The following NTRK3 variants were observed in gnomAD, a reference collection of about 807,000 sequenced individuals.
NTRK3 encodes neurotrophic receptor tyrosine kinase 3, also known as NT-3 growth factor receptor.
NTRK3 carries 24 observed loss-of-function variants against 91.7 expected under a neutral mutation model. The observed-to-expected ratio is 0.26, with a 90% confidence interval of 0.19 to 0.37. The LOEUF is 0.37. Among genes scored for constraint, NTRK3 ranks in the 10% least tolerant of loss-of-function variants. The pLI, the probability that NTRK3 is intolerant of heterozygous loss-of-function variation, is 1.00. For synonymous variants in NTRK3, 483 were observed against 404.0 expected, an observed-to-expected ratio of 1.20 and a Z score of -2.34; for missense variants, 880 against 1,068.9, an observed-to-expected ratio of 0.82 and a Z score of 2.46.
At chr15:88,199,958 G>A (rs1387431138) in intron 3 of NTRK3, among the ~76,000 whole-genome samples, 1 of 152,216 alleles carries the variant, frequency 6.6e-6, no homozygotes, top group Non-Finnish European at 1.5e-5. Context: ...ACCTACAGGT[G>A]GGAGTCAGGG....
intron 13 of NTRK3, among the ~76,000 whole-genome samples, chr15:88,078,867 G>A (rs1455514476): frequency 6.6e-6 from 1 of 152,256 alleles, no homozygotes; most frequent in Non-Finnish European, 1.5e-5. Flanking sequence ...TGTGGCCAGA[G>A]TGGACGAGCA....
chr15:87,978,977 C>T, intron 14 of NTRK3: 1 of 370,206 alleles, frequency 2.7e-6, no homozygotes, highest in Non-Finnish European at 4.9e-6. Context: ...GGCTGGACTT[C>T]ATCAGGCTTT....
At chr15:88,173,682 C>G (rs1156484561) in intron 5 of NTRK3, among the ~76,000 whole-genome samples, 1 of 152,244 alleles carries the variant, frequency 6.6e-6, no homozygotes, top group Non-Finnish European at 1.5e-5. Context: ...TCCCCTCCAT[C>G]TGCCCTTCAT....
Position 87,894,289 on chromosome 15 carries a change from T to C in NTRK3, c.2134-13861A>G, listed in dbSNP as rs143787533. 7.2e-5 allele frequency among the ~76,000 whole-genome samples: 11 copies of C among 152,324 alleles called. No homozygotes were observed. In the East Asian group the frequency reaches 1.7e-3, roughly 24 times the overall value. ...CCACTAGCAGTCCCAGCAGCCACCA[T>C]AACAGTCTTTAAAATCATCGGCACT... On this transcript the variant is annotated intron_variant, in intron 17 of 18. Transcript: ENST00000394480.
chr15:88,249,776 T>G (rs1254715638), intron 3 of NTRK3, among the ~76,000 whole-genome samples: 1 of 152,134 alleles, frequency 6.6e-6, no homozygotes, highest in Non-Finnish European at 1.5e-5. Context: ...CCAGGAGGAT[T>G]TGTGTTCCTC....
At chr15:88,062,666 T>C (rs940340447) in intron 13 of NTRK3, among the ~76,000 whole-genome samples, 3 of 152,220 alleles carry the variant, frequency 2.0e-5, no homozygotes, top group African/African-American at 7.2e-5. Context: ...CCAAACCTCT[T>C]TTTCACAAAA....
intron 14 of NTRK3, among the ~76,000 whole-genome samples, chr15:88,021,796 A>G (rs866032371): frequency 6.6e-6 from 1 of 152,190 alleles, no homozygotes; most frequent in African/African-American, 2.4e-5. Context: ...GACATCTGTC[A>G]TAAGGTATGA....
At chr15:87,895,604 A>C (rs571619677) in intron 17 of NTRK3, among the ~76,000 whole-genome samples, 282 of 152,156 alleles carry the variant, frequency 1.9e-3, no homozygotes, top group African/African-American at 6.1e-3. Context: ...TATATGGAGA[A>C]TCTCCTTCCC....
chr15:88,124,136 G>T (rs1482787588), intron 13 of NTRK3, among the ~76,000 whole-genome samples: 1 of 152,216 alleles, frequency 6.6e-6, no homozygotes, highest in African/African-American at 2.4e-5. Context: ...AGATGAAAGA[G>T]ATTCAGGCTT....
At chr15:88,129,576 C>G (rs1329503196) in intron 10 of NTRK3, among the ~76,000 whole-genome samples, 2 of 152,164 alleles carry the variant, frequency 1.3e-5, no homozygotes, top group African/African-American at 4.8e-5. Flanking sequence ...CTACCAACAT[C>G]CAATAAAAGG....
At chr15:87,893,689 A>G (rs2065959174) in intron 17 of NTRK3, among the ~76,000 whole-genome samples, 1 of 152,198 alleles carries the variant, frequency 6.6e-6, no homozygotes, top group African/African-American at 2.4e-5. Flanking sequence ...TGGATTCCAA[A>G]AATCACAGAG....
rs752318483 is a variant in NTRK3, at chr15:87,880,134, G to T, written c.2292+136C>A. On this transcript the variant is annotated intron_variant, in intron 18 of 18. Coordinates refer to ENST00000394480, the Ensembl canonical transcript of NTRK3. ...TTTTTTTCCTACTAAGAAGCTCTCT[G>T]CTCCCACTAATGCCTGCATTCACTC... is the stretch of plus-strand genomic sequence containing the variant. 9.3e-6 allele frequency: 10 copies of T among 1,075,828 alleles called. No individual in the cohort carries two copies. In the South Asian group the frequency reaches 1.0e-4, roughly 11 times the overall value. 66.6% of individuals were successfully genotyped at this position (1,075,828 alleles called of 1,614,324 possible).
chr15:88,083,464 C>T (rs986764408), intron 13 of NTRK3, among the ~76,000 whole-genome samples: 1 of 152,142 alleles, frequency 6.6e-6, no homozygotes, highest in Non-Finnish European at 1.5e-5. Context: ...TCAAGTGATC[C>T]ACCTGCCTCA....
chr15:88,176,093 T>C (rs1261295253), intron 5 of NTRK3, among the ~76,000 whole-genome samples: 1 of 151,828 alleles, frequency 6.6e-6, no homozygotes, highest in African/African-American at 2.4e-5. Context: ...TACGTTCCAA[T>C]AATATAAGTG....
intron 13 of NTRK3, among the ~76,000 whole-genome samples, chr15:88,043,894 G>A (rs1385212490): frequency 6.6e-6 from 1 of 152,124 alleles, no homozygotes; most frequent in African/African-American, 2.4e-5. Flanking sequence ...AGTTGTATGG[G>A]TCTCATACAC....
At chr15:87,992,428 T>G (rs2075360281) in intron 14 of NTRK3, among the ~76,000 whole-genome samples, 1 of 152,232 alleles carries the variant, frequency 6.6e-6, no homozygotes, top group Non-Finnish European at 1.5e-5. Flanking sequence ...CCACTCTCTG[T>G]ATAAGCCACT....
intron 5 of NTRK3, among the ~76,000 whole-genome samples, chr15:88,160,629 T>G (rs1403846316): frequency 6.6e-6 from 1 of 152,198 alleles, no homozygotes; most frequent in Non-Finnish European, 1.5e-5. Context: ...ACCATTGGCC[T>G]TTAGGGGCCT....
intron 13 of NTRK3, among the ~76,000 whole-genome samples, chr15:88,042,032 G>A (rs2079676073): frequency 1.3e-5 from 2 of 152,038 alleles, no homozygotes; most frequent in Non-Finnish European, 2.9e-5. Context: ...TAATGTGTCA[G>A]AATGAAGCAA....
intron 17 of NTRK3, among the ~76,000 whole-genome samples, chr15:87,892,590 C>A (rs1172633905): frequency 6.6e-6 from 1 of 151,864 alleles, no homozygotes; most frequent in African/African-American, 2.4e-5. Context: ...ATTATTTTGT[C>A]GACGACTTTT....
Sources: allele counts gnomAD v4.1 joint callset (sites outside exome capture counted in the v4.1 genomes callset), GRCh38; gene constraint gnomAD v4.1.1; transcripts MANE v1.5; gene names NCBI Gene and HGNC (gene_info 2026-07-23, HGNC 2026-07-21).